EPHA1: variants seen among roughly 807,000 people sequenced by gnomAD.
EPHA1 encodes the protein ephrin type-A receptor 1.
In EPHA1, 92 loss-of-function variants were observed where a neutral mutation model predicts 110.1. The observed-to-expected ratio is 0.84, with a 90% CI of 0.71 to 0.99. The LOEUF (loss-of-function observed/expected upper bound fraction) is 0.99. Among genes scored for constraint, EPHA1 ranks in the 50% least tolerant of loss-of-function variants. The pLI is 0.00. For missense variants in EPHA1, 1,204 were observed against 1,285.4 expected (o/e 0.94, Z 0.97); for synonymous variants, 500 against 516.1 (o/e 0.97, Z 0.42).
rs767298004 is a variant in EPHA1 at position 143,399,997 on chromosome 7, G to A, written c.489C>T (p.Ser163=). The part of the protein sequence containing the change: ...SFTIRDLVSG[S]VKLNVERCSL... Reference sequence around the variant, plus strand: ...AGCAGCGCTCCACATTCAGCTTCACGGAGCCAGACACAAGGTCTCGAATGG... The same window carrying A: ...AGCAGCGCTCCACATTCAGCTTCACAGAGCCAGACACAAGGTCTCGAATGG... The change falls in exon 4 of 18, where the codon TCC becomes TCT. Residue 163 remains serine (S), a synonymous_variant. Transcript: ENST00000275815. The A allele has an allele frequency of 1.4e-5, 22 of 1,613,724 alleles. No homozygotes were observed. The highest frequency in any genetic ancestry group is 1.6e-4 in the Middle Eastern group (1 of 6,084).
chr7:143,407,700 G>A, intron 1 of EPHA1, 22 bp from the exon 2 acceptor site: 3 of 1,611,390 alleles, frequency 1.9e-6, no homozygotes, highest in Non-Finnish European at 2.5e-6. Flanking sequence ...GAGAAAAGAA[G>A]TCTGTCACCT....
rs779233053 is a variant in EPHA1 at position 143,399,429 on chromosome 7, A to C, written c.836-16T>G. ...CTAGGGCAGGCTGGAGAGAGAACGC[A>C]GCAGAGCAGTGGTTCTGTAAATGTT... is the stretch of plus-strand genomic sequence containing the variant. On this transcript the variant is annotated splice_polypyrimidine_tract_variant and intron_variant, in intron 4 of 17. Coordinates refer to ENST00000275815, the MANE Select transcript of EPHA1 (RefSeq NM_005232.5). 6.4e-7 allele frequency: 1 copy of C among 1,567,328 alleles called. No homozygotes were observed. The highest frequency in any genetic ancestry group is 2.2e-5 in the East Asian group (1 of 44,484).
At chr7:143,407,776 A>C in intron 1 of EPHA1, 98 bp from the exon 2 acceptor site, 2 of 1,073,962 alleles carry the variant, frequency 1.9e-6, no homozygotes, top group Non-Finnish European at 1.4e-6. Flanking sequence ...AGGCTGCAAC[A>C]TCCTGTTCCT....
intron 2 of EPHA1, among the ~76,000 whole-genome samples, chr7:143,406,662 C>G (rs1057376877): frequency 1.3e-5 from 2 of 152,208 alleles, no homozygotes; most frequent in Admixed American, 6.5e-5. Context: ...AGGCTATCTC[C>G]AGGTAGATAG....
rs1805397648 is a variant in EPHA1, at chr7:143,400,951, TG to T, written c.432+372del. On this transcript the variant is annotated intron_variant, in intron 3 of 17. Coordinates refer to ENST00000275815, the MANE Select transcript of EPHA1 (RefSeq NM_005232.5). ...CTCTGTTGCCCAGGCTGGTGTACAG[TG>T]GCACAATCATAGATCACTGCAGCCT... 3 of 241,640 alleles carry T rather than the reference TG, an allele frequency of 1.2e-5. No homozygotes were observed. The South Asian group carries it at 1.8e-4, about 14-fold the overall frequency. The allele number at this position is 241,640 out of a possible 1,614,324, so 15.0% of individuals were successfully genotyped here.
chr7:143,408,658 G>C (rs1415690213), intron 1 of EPHA1, 66 bp downstream of exon 1: 5 of 392,768 alleles, frequency 1.3e-5, no homozygotes, highest in Non-Finnish European at 1.8e-5. Context: ...CTGCAGGGGG[G>C]TGCTGGCCGG....
Position 143,391,317 on chromosome 7 carries a change from G to C in EPHA1, c.*140C>G, listed in dbSNP as rs1287323526. The C allele has an allele frequency of 3.0e-6, 3 of 992,364 alleles. No homozygotes were observed. Among genetic ancestry groups the C allele is most frequent in the Non-Finnish European group, 4.5e-6 (3 of 665,338 alleles). The allele number at this position is 992,364 out of a possible 1,614,324, so 61.5% of individuals were successfully genotyped here. ...GAGGTTTTCTGGGGTGCAGAGCAGG[G>C]TTCTCCTGAAAGTGGGCAGAAGCAG... On this transcript the variant is annotated 3_prime_UTR_variant, in exon 18 of 18. Transcript: ENST00000275815.
chr7:143,399,190 C>T lies in EPHA1; in HGVS notation c.991+68G>A, dbSNP rs919994476. 10 of 1,561,260 alleles carry T rather than the reference C, an allele frequency of 6.4e-6. No individual in the cohort carries two copies. The African/African-American group carries it at 1.4e-4, about 21-fold the overall frequency. ...CTGACAAGCTCTGGAAAAATCCAAC[C>T]CTGACAAAGTCTCAGCAAAGATCCA... On this transcript the variant is annotated intron_variant, in intron 5 of 17. Coordinates refer to ENST00000275815, the MANE Select transcript of EPHA1 (RefSeq NM_005232.5).
chr7:143,408,620 G>C (rs1805623206), intron 1 of EPHA1, 104 bp downstream of exon 1: 2 of 246,898 alleles, frequency 8.1e-6, no homozygotes, highest in Non-Finnish European at 1.3e-5. Flanking sequence ...AGGGTCTCGG[G>C]GAACATGGCC....
chr7:143,397,548 C>T lies in EPHA1; in HGVS notation c.1712+13G>A, dbSNP rs904925689. ...CCAGGGCTGGTGGTTGGGGAGGGGG[C>T]AGGAGCTGGCACCTGGACCGGAAAA... On this transcript the variant is annotated intron_variant, in intron 9 of 17. Coordinates refer to ENST00000275815, the MANE Select transcript of EPHA1 (RefSeq NM_005232.5). 2.5e-6 allele frequency: 4 copies of T among 1,612,448 alleles called. No individual in the cohort carries two copies. Among genetic ancestry groups the T allele is most frequent in the Non-Finnish European group, 3.4e-6 (4 of 1,178,960 alleles).
chr7:143,404,506 C>T (rs776923839), intron 2 of EPHA1, among the ~76,000 whole-genome samples: 2 of 152,042 alleles, frequency 1.3e-5, no homozygotes, highest in African/African-American at 2.4e-5. Flanking sequence ...TGTGAGCCAC[C>T]GCGCGTGGCT....
rs1586577581 is a variant in EPHA1, at chr7:143,393,680, A to T, written c.2687T>A (p.Phe896Tyr). ...NPHSLRTIAN[F>Y]DPRMTLRLPS... ...TCCCCTGCATGGTTACCTGGGGTCA[A>T]AGTTGGCAATGGTCCGCAGGGAGTG... Residue 896 changes from phenylalanine to tyrosine, a missense_variant, in exon 16 of 18, where the codon TTT becomes TAT. Phe to Tyr is a conservative substitution (Grantham distance 22, BLOSUM62 3). Transcript: ENST00000275815. This position sits in a 1 kb window ranked among gnomAD's most constrained non-coding sequence, Gnocchi z 5.6. 6.2e-7 allele frequency: 1 copy of T among 1,613,456 alleles called. No homozygotes were observed. The highest frequency in any genetic ancestry group is 2.2e-5 in the East Asian group (1 of 44,864).
In EPHA1 at chr7:143,401,812, T is replaced by C. The variant is rs1156712716; in HGVS notation, c.151-207A>G. Reference sequence around the variant, plus strand: ...GGATATAAGATGGGCAAGACAATAGTCCCTTAACATCCCTAGTTGATCCTG... The same window carrying C: ...GGATATAAGATGGGCAAGACAATAGCCCCTTAACATCCCTAGTTGATCCTG... On this transcript the variant is annotated intron_variant, in intron 2 of 17. Coordinates refer to ENST00000275815, the MANE Select transcript of EPHA1 (RefSeq NM_005232.5). The surrounding 1 kb of genome is among the most constrained non-coding windows in gnomAD (Gnocchi z 4.1). 1.3e-5 allele frequency among the ~76,000 whole-genome samples: 2 copies of C among 152,210 alleles called. No homozygotes were observed. The highest frequency in any genetic ancestry group is 4.8e-5 in the African/African-American group (2 of 41,440).
chr7:143,408,098 G>T (rs1805606765), intron 1 of EPHA1, among the ~76,000 whole-genome samples: 1 of 152,172 alleles, frequency 6.6e-6, no homozygotes, highest in Admixed American at 6.5e-5. Context: ...GGGTTTCCTG[G>T]GTAGGGAGGC....
chr7:143,398,655 G>A lies in EPHA1; in HGVS notation c.1282C>T (p.Leu428=), dbSNP rs1654960488. The change falls in exon 6 of 18, where the codon CTG becomes TTG. Residue 428 remains leucine, a synonymous_variant. Coordinates refer to ENST00000275815, the MANE Select transcript of EPHA1 (RefSeq NM_005232.5). ...NVEAQNGVSG[L]GSSGHASTSV... is the part of the protein sequence containing the mutation. ...GTGCTGGCATGGCCAGAGCTGCCCA[G>A]CCCTGACACTCCATTTTGGGCTTCC... The A allele has an allele frequency of 1.9e-6, 3 of 1,613,994 alleles. No individual in the cohort carries two copies. Among genetic ancestry groups the A allele is most frequent in the African/African-American group, 1.3e-5 (1 of 74,912 alleles).
chr7:143,391,508 C>T lies in EPHA1; in HGVS notation c.2880G>A (p.Leu960=), dbSNP rs781064317. 1.9e-6 allele frequency: 3 copies of T among 1,614,068 alleles called. No homozygotes were observed. Among genetic ancestry groups the T allele is most frequent in the African/African-American group, 2.7e-5 (2 of 74,916 alleles). ...AAAGAATGCGCTTCTGGTGCCCGGGCAGTGTGATTCCCATCTGCGTCAGGT... is the reference window on the plus strand; with the variant it reads ...AAAGAATGCGCTTCTGGTGCCCGGGTAGTGTGATTCCCATCTGCGTCAGGT... ...AEDLTQMGIT[L]PGHQKRILCS... is the part of the protein sequence containing the mutation. Residue 960 remains leucine (L), a synonymous_variant, in exon 18 of 18, where the codon CTG becomes CTA. Coordinates refer to ENST00000275815, the MANE Select transcript of EPHA1 (RefSeq NM_005232.5).
chr7:143,403,812 C>G (rs1387547428), intron 2 of EPHA1, among the ~76,000 whole-genome samples: 1 of 152,194 alleles, frequency 6.6e-6, no homozygotes. Flanking sequence ...GTATATTTCT[C>G]TTTTGTTCAT....
Position 143,401,713 on chromosome 7 carries a change from G to T in EPHA1, c.151-108C>A. ...CTGTGTCAGAGCCCCTCAGGTTTAT[G>T]CTACTTGTTCTGCCTCTCCCCACCC... On this transcript the variant is annotated intron_variant, in intron 2 of 17. Coordinates refer to ENST00000275815, the MANE Select transcript of EPHA1 (RefSeq NM_005232.5). This position sits in a 1 kb window ranked among gnomAD's most constrained non-coding sequence, Gnocchi z 4.1. 7.2e-7 allele frequency: 1 copy of T among 1,384,436 alleles called. No individual in the cohort carries two copies. The highest frequency in any genetic ancestry group is 9.9e-7 in the Non-Finnish European group (1 of 1,009,378). The allele number at this position is 1,384,436 out of a possible 1,614,324, so 85.8% of individuals were successfully genotyped here.
chr7:143,408,666 C>T (rs1805626157), intron 1 of EPHA1, 58 bp downstream of exon 1: 3 of 310,286 alleles, frequency 9.7e-6, no homozygotes, highest in Non-Finnish European at 1.5e-5. Context: ...GGGTGCTGGC[C>T]GGGCCCCGGG....
Sources: allele counts gnomAD v4.1 joint callset (sites outside exome capture counted in the v4.1 genomes callset), GRCh38; gene constraint gnomAD v4.1.1; non-coding constraint Gnocchi (gnomAD v3.1); transcripts MANE v1.5; gene names NCBI Gene and HGNC (gene_info 2026-07-23, HGNC 2026-07-21).